The following FAM135B variants were observed in gnomAD, a reference collection of about 807,000 sequenced individuals.
The protein encoded by FAM135B is protein FAM135B.
FAM135B carries 43 observed loss-of-function variants against 127.7 expected under a neutral mutation model. The observed-to-expected ratio is 0.34, with a 90% confidence interval of 0.26 to 0.43. The LOEUF is 0.43. Among genes scored for constraint, FAM135B ranks in the 20% least tolerant of loss-of-function variants. FAM135B has a pLI of 1.00. For missense variants in FAM135B, 1,558 were observed against 1,725.6 expected, an observed-to-expected ratio of 0.90 and a Z score of 1.72; for synonymous variants, 670 against 665.1, an observed-to-expected ratio of 1.01 and a Z score of -0.11.
intron 5 of FAM135B, among the ~76,000 whole-genome samples, chr8:138,252,869 G>A (rs148415579): frequency 0.013 from 1,992 of 152,146 alleles, 40 homozygotes; most frequent in African/African-American, 0.042. Context: ...GCATAATCTC[G>A]GCTCACTGCA....
intron 1 of FAM135B, among the ~76,000 whole-genome samples, chr8:138,371,666 A>C (rs1172784837): frequency 2.6e-5 from 4 of 152,168 alleles, no homozygotes; most frequent in African/African-American, 9.7e-5. Context: ...ATTTGTTCCA[A>C]GAACCTCCCA....
chr8:138,345,790 G>A (rs1487790534), intron 2 of FAM135B, among the ~76,000 whole-genome samples: 2 of 152,170 alleles, frequency 1.3e-5, no homozygotes, highest in Non-Finnish European at 2.9e-5. Context: ...CCTTGGAAGG[G>A]CTCCCATAAC....
chr8:138,387,436 A>G (rs78066900), intron 1 of FAM135B, among the ~76,000 whole-genome samples: 6,231 of 152,202 alleles, frequency 0.041, 427 homozygotes, highest in African/African-American at 0.14. Context: ...CAGTTCAGAT[A>G]AGCCCACCTC....
At chr8:138,142,972 C>A (rs73716463) in intron 16 of FAM135B, 40 bp downstream of exon 16, 1 of 1,057,380 alleles carries the variant, frequency 9.5e-7, no homozygotes, top group Middle Eastern at 2.0e-4. Context: ...AAATGTCCCC[C>A]CTCTTCCCCC....
chr8:138,294,991 C>CT (rs1269919674), intron 3 of FAM135B, among the ~76,000 whole-genome samples: 10 of 152,002 alleles, frequency 6.6e-5, no homozygotes, highest in African/African-American at 2.2e-4. Flanking sequence ...AGGCAATAAT[C>CT]TTCAGAGTCT....
At chr8:138,261,866 C>T (rs920958620) in intron 4 of FAM135B, among the ~76,000 whole-genome samples, 1 of 152,168 alleles carries the variant, frequency 6.6e-6, no homozygotes, top group African/African-American at 2.4e-5. Context: ...TATGTGCATC[C>T]GTGAACATAA....
intron 1 of FAM135B, among the ~76,000 whole-genome samples, chr8:138,383,151 T>C (rs1031986980): frequency 1.8e-4 from 27 of 152,318 alleles, no homozygotes; most frequent in African/African-American, 6.3e-4. Flanking sequence ...GTTAACGATC[T>C]CCTCCAGCTC....
At chr8:138,246,903 C>G (rs774004813) in intron 6 of FAM135B, among the ~76,000 whole-genome samples, 2 of 152,222 alleles carry the variant, frequency 1.3e-5, no homozygotes, top group South Asian at 4.1e-4. Flanking sequence ...TGCATCAGCA[C>G]GGCCTGGATG....
At chr8:138,195,396 T>C (rs963517897) in intron 8 of FAM135B, 89 bp from the exon 9 acceptor site, 31 of 1,284,752 alleles carry the variant, frequency 2.4e-5, no homozygotes, top group Middle Eastern at 1.8e-4. Context: ...AAGTTTCACA[T>C]TGGCATTAAC....
At chr8:138,289,903 G>T (rs188677576) in intron 3 of FAM135B, among the ~76,000 whole-genome samples, 1 of 152,318 alleles carries the variant, frequency 6.6e-6, no homozygotes, top group African/African-American at 2.4e-5. Flanking sequence ...ACACCCAGTG[G>T]CACCATCAGA....
At chr8:138,153,695 C>G (rs907004750) in intron 12 of FAM135B, among the ~76,000 whole-genome samples, 1 of 152,196 alleles carries the variant, frequency 6.6e-6, no homozygotes, top group African/African-American at 2.4e-5. Context: ...ACTGCTAGCA[C>G]AGCAGTCTGA....
intron 2 of FAM135B, among the ~76,000 whole-genome samples, chr8:138,325,102 T>C (rs906024706): frequency 1.5e-5 from 2 of 133,290 alleles, no homozygotes; most frequent in African/African-American, 2.9e-5. Context: ...GAGGATTCCC[T>C]AGAAATCATT....
At chr8:138,224,378 A>G (rs1043649774) in intron 7 of FAM135B, among the ~76,000 whole-genome samples, 4 of 152,164 alleles carry the variant, frequency 2.6e-5, no homozygotes, top group African/African-American at 9.7e-5. Context: ...GCATGCACAC[A>G]TGCACACGCA....
At chr8:138,426,128 G>GTA (rs1834877025) in intron 1 of FAM135B, among the ~76,000 whole-genome samples, 1 of 129,702 alleles carries the variant, frequency 7.7e-6, no homozygotes, top group African/African-American at 3.3e-5. Flanking sequence ...ATGTGTGTGT[G>GTA]TGTGTGTGTG....
intron 1 of FAM135B, among the ~76,000 whole-genome samples, chr8:138,380,325 T>C (rs1831769676): frequency 6.6e-6 from 1 of 152,042 alleles, no homozygotes. Context: ...AGCCTCTGAG[T>C]AACTGGGATT....
intron 14 of FAM135B, among the ~76,000 whole-genome samples, chr8:138,147,773 A>G (rs1285725919): frequency 6.8e-6 from 1 of 146,214 alleles, no homozygotes; most frequent in Non-Finnish European, 1.5e-5. Context: ...TTTCACATGC[A>G]TGATGGAAAA....
rs563123174 is a variant in FAM135B at position 138,410,369 on chromosome 8, T to C, written c.-19-42367A>G. Among the ~76,000 whole-genome samples, 19 of 152,294 alleles carry C rather than the reference T, an allele frequency of 1.2e-4. No homozygotes were observed. In the South Asian group the frequency reaches 1.5e-3, roughly 12 times the overall value. ...GTGTGATCCTAAGGATTCTGGCTTC[T>C]ACCTTGCTTGATCTCTCTTGCTTGG... On this transcript the variant is annotated intron_variant, in intron 1 of 19. Coordinates refer to ENST00000395297, the MANE Select transcript of FAM135B (RefSeq NM_015912.4).
chr8:138,464,293 C>T lies in FAM135B; in HGVS notation c.-20+32378G>A, dbSNP rs567577495. ...AGATTCTTCACTCCCTCCTGAGACA[C>T]AAATGGACATCTCTTTGGTCTGTAT... On this transcript the variant is annotated intron_variant, in intron 1 of 19. Coordinates refer to ENST00000395297, the MANE Select transcript of FAM135B (RefSeq NM_015912.4). 7.9e-5 allele frequency among the ~76,000 whole-genome samples: 12 copies of T among 152,290 alleles called. No individual in the cohort carries two copies. In the East Asian group the frequency reaches 1.7e-3, roughly 22 times the overall value.
chr8:138,140,285 G>C (rs1437682897), intron 17 of FAM135B, among the ~76,000 whole-genome samples: 3 of 152,218 alleles, frequency 2.0e-5, no homozygotes, highest in Non-Finnish European at 4.4e-5. Flanking sequence ...AGAGGACAGG[G>C]GACAGTGGCA....
Sources: gnomAD v4.1 joint callset for allele counts (sites outside exome capture counted in the v4.1 genomes callset) on GRCh38, gnomAD v4.1.1 for gene constraint, MANE v1.5 for transcripts, NCBI Gene and HGNC (gene_info 2026-07-23, HGNC 2026-07-21) for gene names.